KCNJ6: variants seen among roughly 807,000 people sequenced by gnomAD.
KCNJ6 encodes G protein-activated inward rectifier potassium channel 2.
In KCNJ6, 9 loss-of-function variants were observed where a neutral mutation model predicts 34.2. The observed-to-expected ratio is 0.26, with a 90% CI of 0.16 to 0.46. KCNJ6 has a LOEUF of 0.46. Ranked by LOEUF, KCNJ6 falls within the 20% of genes least tolerant of loss-of-function variation. KCNJ6 has a pLI of 1.00. For missense variants in KCNJ6, 236 were observed against 531.3 expected (o/e 0.44, Z 5.46); for synonymous variants, 196 against 207.1 (o/e 0.95, Z 0.46).
chr21:37,688,652 C>A (rs1212186174), intron 3 of KCNJ6, among the ~76,000 whole-genome samples: 2 of 152,114 alleles, frequency 1.3e-5, no homozygotes, highest in African/African-American at 4.8e-5. Context: ...GTTGGCCAGG[C>A]TTATTCTGTG....
intron 1 of KCNJ6, among the ~76,000 whole-genome samples, chr21:37,843,981 C>T (rs1298242614): frequency 6.6e-6 from 1 of 152,104 alleles, no homozygotes; most frequent in Non-Finnish European, 1.5e-5. Flanking sequence ...CTGGCAATGC[C>T]CAGATTTGCA....
At chr21:37,843,902 A>G (rs948479903) in intron 1 of KCNJ6, among the ~76,000 whole-genome samples, 6 of 152,086 alleles carry the variant, frequency 3.9e-5, no homozygotes, top group Admixed American at 2.0e-4. Flanking sequence ...AGTTTCCTAG[A>G]TTTGCCATTT....
rs2054286281 is a variant in KCNJ6 at position 37,620,332 on chromosome 21, G to A, written c.*4827C>T. On this transcript the variant is annotated 3_prime_UTR_variant, in exon 4 of 4. Coordinates refer to ENST00000609713, the MANE Select transcript of KCNJ6 (RefSeq NM_002240.5). Reference sequence around the variant, plus strand: ...CTGTTGTAATTACTCAGCTCTGTGAGTGCATGTGGAAGCAGCCATAGGCAA... The same window carrying A: ...CTGTTGTAATTACTCAGCTCTGTGAATGCATGTGGAAGCAGCCATAGGCAA... 1 of 152,190 alleles carries A rather than the reference G, an allele frequency of 6.6e-6. No individual in the cohort carries two copies. The highest frequency in any genetic ancestry group is 2.1e-4 in the South Asian group (1 of 4,832). The allele number at this position is 152,190 out of a possible 1,614,324, so 9.4% of individuals were successfully genotyped here.
rs368787354 is a variant in KCNJ6 at position 37,774,499 on chromosome 21, C to G, written c.26-59368G>C. 2.1e-4 allele frequency among the ~76,000 whole-genome samples: 32 copies of G among 152,030 alleles called. No individual in the cohort carries two copies. The South Asian group carries it at 4.6e-3, about 22-fold the overall frequency. ...TATCTCCTAATGCTATCCCTCCCCCCCTCCCCCTACCCCACAACAGGCTCT... is the reference window on the plus strand; with the variant it reads ...TATCTCCTAATGCTATCCCTCCCCCGCTCCCCCTACCCCACAACAGGCTCT... On this transcript the variant is annotated intron_variant, in intron 2 of 3. Transcript: ENST00000609713.
intron 2 of KCNJ6, among the ~76,000 whole-genome samples, chr21:37,744,186 T>G (rs1408184180): frequency 2.1e-5 from 3 of 141,294 alleles, no homozygotes; most frequent in East Asian, 4.8e-4. Flanking sequence ...GGGGGAGGGA[T>G]AGCATTAGGA....
chr21:37,729,661 T>A (rs1216270293), intron 2 of KCNJ6, among the ~76,000 whole-genome samples: 1 of 152,252 alleles, frequency 6.6e-6, no homozygotes, highest in Non-Finnish European at 1.5e-5. Context: ...GAATCAGGAC[T>A]GTCTACAGTT....
chr21:37,700,665 C>T (rs1222156364), intron 3 of KCNJ6, among the ~76,000 whole-genome samples: 1 of 151,992 alleles, frequency 6.6e-6, no homozygotes, highest in African/African-American at 2.4e-5. Context: ...CGGCCAAGCC[C>T]CTGAGAGGAA....
chr21:37,803,689 G>A (rs554833918), intron 2 of KCNJ6, among the ~76,000 whole-genome samples: 1 of 152,252 alleles, frequency 6.6e-6, no homozygotes, highest in South Asian at 2.1e-4. Context: ...CACACCAGCA[G>A]GCAAAACGAT....
At chr21:37,807,894 A>G (rs1408401950) in intron 2 of KCNJ6, among the ~76,000 whole-genome samples, 1 of 152,188 alleles carries the variant, frequency 6.6e-6, no homozygotes, top group South Asian at 2.1e-4. Flanking sequence ...CTGCACCTCC[A>G]TGTACTGCCA....
At chr21:37,745,765 G>C (rs2054964720) in intron 2 of KCNJ6, among the ~76,000 whole-genome samples, 1 of 152,126 alleles carries the variant, frequency 6.6e-6, no homozygotes, top group South Asian at 2.1e-4. Context: ...TGGGTACAGG[G>C]GTGAATAAAG....
chr21:37,810,037 C>G (rs1279249978), intron 2 of KCNJ6, among the ~76,000 whole-genome samples: 1 of 152,168 alleles, frequency 6.6e-6, no homozygotes, highest in African/African-American at 2.4e-5. Context: ...ATAGCCTATC[C>G]TACCTAACTA....
At chr21:37,643,247 C>T (rs571306470) in intron 3 of KCNJ6, among the ~76,000 whole-genome samples, 21 of 152,258 alleles carry the variant, frequency 1.4e-4, no homozygotes, top group Non-Finnish European at 2.9e-4. Flanking sequence ...GTTTCTGTAG[C>T]AGTCAAGTGG....
chr21:37,870,090 G>A (rs2055642766), intron 1 of KCNJ6, among the ~76,000 whole-genome samples: 1 of 152,236 alleles, frequency 6.6e-6, no homozygotes, highest in Admixed American at 6.5e-5. Flanking sequence ...ATCTTGCATA[G>A]AAACATATTT....
chr21:37,892,740 C>A (rs568557307), intron 1 of KCNJ6, among the ~76,000 whole-genome samples: 3 of 152,158 alleles, frequency 2.0e-5, no homozygotes, highest in Non-Finnish European at 4.4e-5. Context: ...CACTGTTGAC[C>A]CTGGCAATGA....
intron 3 of KCNJ6, among the ~76,000 whole-genome samples, chr21:37,630,268 A>G (rs1023889077): frequency 2.0e-5 from 3 of 152,128 alleles, no homozygotes; most frequent in African/African-American, 7.2e-5. Flanking sequence ...TGAAGAGCAA[A>G]ACGTGGAAAA....
At chr21:37,698,978 T>C (rs1199001892) in intron 3 of KCNJ6, among the ~76,000 whole-genome samples, 1 of 152,082 alleles carries the variant, frequency 6.6e-6, no homozygotes, top group East Asian at 1.9e-4. Flanking sequence ...GGATTTCAGG[T>C]GTAAGCCACG....
At chr21:37,896,648 T>C (rs565724844) in intron 1 of KCNJ6, among the ~76,000 whole-genome samples, 2 of 152,202 alleles carry the variant, frequency 1.3e-5, no homozygotes, top group South Asian at 4.1e-4. Flanking sequence ...CCCCGATTCC[T>C]GGGGGAGACT....
intron 3 of KCNJ6, among the ~76,000 whole-genome samples, chr21:37,693,440 G>A (rs2054649412): frequency 6.6e-6 from 1 of 152,170 alleles, no homozygotes; most frequent in South Asian, 2.1e-4. Context: ...AATCCTGGAG[G>A]AGAACCAGGA....
At chr21:37,658,670 G>A (rs2054475155) in intron 3 of KCNJ6, among the ~76,000 whole-genome samples, 1 of 152,228 alleles carries the variant, frequency 6.6e-6, no homozygotes, top group Admixed American at 6.5e-5. Flanking sequence ...CAGAGGCAGC[G>A]CTTACAGGAG....
Sources: gnomAD v4.1 joint callset for allele counts (sites outside exome capture counted in the v4.1 genomes callset) on GRCh38, gnomAD v4.1.1 for gene constraint, MANE v1.5 for transcripts, NCBI Gene and HGNC (gene_info 2026-07-23, HGNC 2026-07-21) for gene names.